Variants in TPM3 observed in about 807,000 individuals in gnomAD.
The protein encoded by TPM3 is tropomyosin alpha-3 chain.
Under a neutral mutation model 43.1 loss-of-function variants are expected in TPM3, and 16 were observed. The observed-to-expected ratio is 0.37, with a 90% CI of 0.25 to 0.56. The LOEUF is 0.56. Ranked by LOEUF, TPM3 falls within the 20% of genes least tolerant of loss-of-function variation. The probability of loss-of-function intolerance (pLI) is 0.77; values close to 1 mark genes in which losing one functional copy is unlikely to be tolerated. For synonymous variants in TPM3, 101 were observed against 116.9 expected (o/e 0.86, Z 0.88); for missense variants, 176 against 337.2 (o/e 0.52, Z 3.74).
At chr1:154,171,306 G>A in intron 6 of TPM3, 107 bp downstream of exon 6, 1 of 1,168,108 alleles carries the variant, frequency 8.6e-7, no homozygotes, top group Non-Finnish European at 1.3e-6. Context: ...GTAGGAAGAG[G>A]ACACGCCTCA....
chr1:154,165,208 C>CTCACCT lies in TPM3; in HGVS notation c.*2728_*2729insAGGTGA. ...ACCAGCCTGGCCAACATGCTGAAAC[C>CTCACCT]CCGTCCGTACTAAAAATACAAAAAT... is the stretch of plus-strand genomic sequence containing the variant. On this transcript the variant is annotated 3_prime_UTR_variant, in exon 10 of 10. Transcript: ENST00000651641. 6.6e-6 allele frequency among the ~76,000 whole-genome samples: 1 copy of CTCACCT among 151,270 alleles called. No individual in the cohort carries two copies. The highest frequency in any genetic ancestry group is 2.0e-4 in the East Asian group (1 of 5,100).
At chr1:154,176,298 GAAGA>G (rs1473612839) in intron 2 of TPM3, 50 bp from the exon 3 acceptor site, 4 of 1,613,604 alleles carry the variant, frequency 2.5e-6, no homozygotes, top group East Asian at 4.5e-5. Flanking sequence ...ATGGAGAAAA[GAAGA>G]AATAACTATG....
intron 1 of TPM3, 158 bp downstream of exon 1, chr1:154,191,744 T>C: frequency 6.3e-7 from 1 of 1,579,844 alleles, no homozygotes; most frequent in Non-Finnish European, 8.6e-7. Flanking sequence ...CTGAGACAGA[T>C]ATGTTAGATA....
intron 3 of TPM3, among the ~76,000 whole-genome samples, chr1:154,175,910 A>AGT (rs1004240017): frequency 2.0e-5 from 3 of 152,164 alleles, no homozygotes; most frequent in Non-Finnish European, 2.9e-5. Context: ...CCAGGAGTGC[A>AGT]GTGGCGCAAT....
intron 3 of TPM3, among the ~76,000 whole-genome samples, chr1:154,174,135 C>A (rs567514532): frequency 2.6e-5 from 4 of 151,426 alleles, no homozygotes; most frequent in Non-Finnish European, 5.9e-5. Context: ...GAGTTTGAGA[C>A]CAGCCTGGTC....
chr1:154,169,289 A>T lies in TPM3; in HGVS notation c.854+16T>A. 1 of 1,613,880 alleles carries T rather than the reference A, an allele frequency of 6.2e-7. No homozygotes were observed. Among genetic ancestry groups the T allele is most frequent in the Non-Finnish European group, 8.5e-7 (1 of 1,179,778 alleles). On this transcript the variant is annotated intron_variant, in intron 9 of 9. Transcript: ENST00000651641. ...CAAGCCAAGATCCCAGCCCCACTCT[A>T]CTGTCAGATAGTTACATAGAGGTCA...
intron 3 of TPM3, among the ~76,000 whole-genome samples, chr1:154,175,849 G>A (rs182676519): frequency 1.6e-4 from 25 of 152,298 alleles, no homozygotes; most frequent in Admixed American, 4.6e-4. Flanking sequence ...GTGTGATGGA[G>A]TTAGTATTTT....
At chr1:154,191,864 T>C (rs571159705) in intron 1 of TPM3, 38 bp downstream of exon 1, 1 of 1,600,908 alleles carries the variant, frequency 6.2e-7, no homozygotes, top group East Asian at 2.2e-5. Flanking sequence ...CACAGTCTTG[T>C]TCACTAGCAG....
chr1:154,172,320 C>G, intron 5 of TPM3: 1 of 709,234 alleles, frequency 1.4e-6, no homozygotes, highest in Non-Finnish European at 2.6e-6. Flanking sequence ...CTTTGTTAAT[C>G]AAGGCCCAGA....
Position 154,163,266 on chromosome 1 carries a change from C to T in TPM3, c.*4671G>A, listed in dbSNP as rs907438575. Among the ~76,000 whole-genome samples the T allele has an allele frequency of 6.6e-6, 1 of 152,182 alleles. No homozygotes were observed. Among genetic ancestry groups the T allele is most frequent in the Non-Finnish European group, 1.5e-5 (1 of 68,024 alleles). On this transcript the variant is annotated 3_prime_UTR_variant, in exon 10 of 10. Coordinates refer to ENST00000651641, the MANE Select transcript of TPM3 (RefSeq NM_152263.4). ...GAAATACAATTAAATTTTAGCCCCT[C>T]AGCCACACTAGCCATGTTTTGAGTG...
intron 6 of TPM3, 128 bp downstream of exon 6, chr1:154,171,285 A>G: frequency 1.1e-6 from 1 of 948,978 alleles, no homozygotes; most frequent in South Asian, 1.3e-5. Flanking sequence ...ACCTGAATAC[A>G]TGGTAAGGAG....
At chr1:154,186,482 C>G (rs1663414360) in intron 2 of TPM3, among the ~76,000 whole-genome samples, 1 of 151,502 alleles carries the variant, frequency 6.6e-6, no homozygotes, top group South Asian at 2.1e-4. Flanking sequence ...CTATTGTGTT[C>G]CTAGTAACCA....
At chr1:154,157,039 G>A (rs1659883647), downstream of TPM3, 1 of 203,778 alleles carries the variant, frequency 4.9e-6, no homozygotes, top group Admixed American at 6.0e-5. Context: ...ATATCTTAAA[G>A]CTGAAAACTT....
In TPM3 at chr1:154,163,038, T is replaced by C. The variant is rs775846608; in HGVS notation, c.*4899A>G. The stretch of plus-strand genomic sequence containing the variant: ...GTTGGCCAGGATGGTCTTGATCTCT[T>C]GACCTTGTGATCCACCTGCCTCGGC... On this transcript the variant is annotated 3_prime_UTR_variant, in exon 10 of 10. Coordinates refer to ENST00000651641, the MANE Select transcript of TPM3 (RefSeq NM_152263.4). Among the ~76,000 whole-genome samples, 5 of 152,206 alleles carry C rather than the reference T, an allele frequency of 3.3e-5. No individual in the cohort carries two copies. The highest frequency in any genetic ancestry group is 7.3e-5 in the Non-Finnish European group (5 of 68,038).
At position 154,163,773 on chromosome 1, in the gene TPM3, A is replaced by G. The variant is rs1169268068; in HGVS notation, c.*4164T>C. Reference sequence around the variant, plus strand: ...CTCAGCCTCCCAAGTAGTTGGGACTACAGGTGCCCGCAACCACGCCCAGCT... The same window carrying G: ...CTCAGCCTCCCAAGTAGTTGGGACTGCAGGTGCCCGCAACCACGCCCAGCT... On this transcript the variant is annotated 3_prime_UTR_variant, in exon 10 of 10. Coordinates refer to ENST00000651641, the MANE Select transcript of TPM3 (RefSeq NM_152263.4). Among the ~76,000 whole-genome samples, 1 of 152,096 alleles carries G rather than the reference A, an allele frequency of 6.6e-6. No individual in the cohort carries two copies. The highest frequency in any genetic ancestry group is 1.5e-5 in the Non-Finnish European group (1 of 68,024).
intron 2 of TPM3, among the ~76,000 whole-genome samples, chr1:154,190,222 G>A (rs187608161): frequency 1.7e-3 from 260 of 152,330 alleles, no homozygotes; most frequent in African/African-American, 5.9e-3. Context: ...GATTACAGGC[G>A]TGAGCCACCG....
chr1:154,180,886 C>A (rs1662867789), intron 2 of TPM3, among the ~76,000 whole-genome samples: 1 of 151,810 alleles, frequency 6.6e-6, no homozygotes, highest in African/African-American at 2.4e-5. Context: ...GATCGTGCAA[C>A]TGCATTCCAG....
At chr1:154,172,875 G>T (rs763350199) in intron 5 of TPM3, 33 bp downstream of exon 5, 3 of 1,612,854 alleles carry the variant, frequency 1.9e-6, no homozygotes, top group Admixed American at 3.3e-5. Flanking sequence ...GGATAAATTG[G>T]TAATGACAAG....
At chr1:154,190,645 A>T (rs1205457106) in intron 2 of TPM3, among the ~76,000 whole-genome samples, 3 of 152,198 alleles carry the variant, frequency 2.0e-5, no homozygotes, top group African/African-American at 7.2e-5. Flanking sequence ...GCAATGCTTC[A>T]TATGGCATCT....
Sources: gnomAD v4.1 joint callset for allele counts (sites outside exome capture counted in the v4.1 genomes callset) on GRCh38, gnomAD v4.1.1 for gene constraint, MANE v1.5 for transcripts, NCBI Gene and HGNC (gene_info 2026-07-23, HGNC 2026-07-21) for gene names.